STAM2: variants seen among roughly 807,000 people sequenced by gnomAD.
The protein encoded by STAM2 is signal transducing adaptor molecule 2, also known as signal transducing adapter molecule 2.
Under a neutral mutation model 65.6 loss-of-function variants are expected in STAM2, and 51 were observed. That is an observed-to-expected ratio of 0.78 (90% CI 0.62 to 0.98). The LOEUF is 0.98. Ranked by LOEUF, STAM2 falls within the 50% of genes least tolerant of loss-of-function variation. The pLI is 0.00. For missense variants in STAM2, 584 were observed against 617.8 expected (o/e 0.95, Z 0.58); for synonymous variants, 198 against 208.4 (o/e 0.95, Z 0.43).
At chr2:152,168,011 T>C (rs1387788899) in intron 1 of STAM2, among the ~76,000 whole-genome samples, 2 of 151,916 alleles carry the variant, frequency 1.3e-5, no homozygotes, top group Admixed American at 1.3e-4. Context: ...TAAAGGACAA[T>C]AGACAACCAA....
At chr2:152,173,661 T>C (rs1291806497) in intron 1 of STAM2, among the ~76,000 whole-genome samples, 2 of 152,176 alleles carry the variant, frequency 1.3e-5, no homozygotes, top group Non-Finnish European at 2.9e-5. Flanking sequence ...CCTCCCAAAG[T>C]GCTGGGATTA....
intron 1 of STAM2, among the ~76,000 whole-genome samples, chr2:152,156,677 C>T (rs1351498298): frequency 6.6e-6 from 1 of 152,072 alleles, no homozygotes; most frequent in African/African-American, 2.4e-5. Context: ...TATCTACCTA[C>T]AAGGAACAAA....
rs556118300 is a variant in STAM2 at position 152,160,328 on chromosome 2, G to A, written c.41-10099C>T. Among the ~76,000 whole-genome samples the A allele has an allele frequency of 1.6e-3, 240 of 150,644 alleles. 2 individuals carry two copies. The highest frequency in any genetic ancestry group is 6.1e-3 in the South Asian group (29 of 4,746). On this transcript the variant is annotated intron_variant, in intron 1 of 13. Coordinates refer to ENST00000263904, the MANE Select transcript of STAM2 (RefSeq NM_005843.6). ...CCATCCCATCTAGGAAGTGAGGAGC[G>A]TCTCTGCCTGGCCGCCCATCGTCTG...
rs1311057778 is a variant in STAM2, at chr2:152,117,386, T to C, written c.*3188A>G. 6.6e-6 allele frequency: 1 copy of C among 152,122 alleles called. No individual in the cohort carries two copies. Among genetic ancestry groups the C allele is most frequent in the Non-Finnish European group, 1.5e-5 (1 of 68,036 alleles). 9.4% of individuals were successfully genotyped at this position (152,122 alleles called of 1,614,324 possible). The stretch of plus-strand genomic sequence containing the variant: ...TGTTGCCAGGTTGGTCTCAAACTCC[T>C]AGCCTCAAGCAATACTCCTATCTCA... On this transcript the variant is annotated 3_prime_UTR_variant, in exon 14 of 14. Coordinates refer to ENST00000263904, the MANE Select transcript of STAM2 (RefSeq NM_005843.6).
In STAM2 at chr2:152,123,926, C is replaced by T. The variant is rs201360939; in HGVS notation, c.1189G>A (p.Val397Ile). 1 of 1,613,350 alleles carries T rather than the reference C, an allele frequency of 6.2e-7. No individual in the cohort carries two copies. The highest frequency in any genetic ancestry group is 1.3e-5 in the African/African-American group (1 of 74,980). The change falls in exon 13 of 14, where the codon GTT becomes ATT. Residue 397 changes from valine to isoleucine, a missense_variant. Transcript: ENST00000263904. ...ATATAGTTTCCACCATGTGATTGAA[C>T]TGGATATGTCTATTAATCAGAAAGA... is the stretch of plus-strand genomic sequence containing the variant. ...SSGVPMQTYP[V>I]QSHGGNYMGQ...
chr2:152,167,411 T>C (rs1302482238), intron 1 of STAM2, among the ~76,000 whole-genome samples: 2 of 152,210 alleles, frequency 1.3e-5, no homozygotes, highest in Non-Finnish European at 2.9e-5. Flanking sequence ...CCAAAAAAGA[T>C]AGCAGATGCC....
chr2:152,138,595 G>A (rs1243474858), intron 7 of STAM2, among the ~76,000 whole-genome samples: 1 of 152,114 alleles, frequency 6.6e-6, no homozygotes, highest in Non-Finnish European at 1.5e-5. Flanking sequence ...TCTTAAGTAT[G>A]AGTCTTATGG....
chr2:152,147,860 T>G (rs879856090), intron 4 of STAM2, among the ~76,000 whole-genome samples, 164 bp downstream of exon 4: 1 of 152,208 alleles, frequency 6.6e-6, no homozygotes, highest in Admixed American at 6.5e-5. Flanking sequence ...AGAATAGTTT[T>G]TGGTGCTACA....
intron 1 of STAM2, among the ~76,000 whole-genome samples, chr2:152,155,530 G>A (rs1214479015): frequency 1.3e-5 from 2 of 152,288 alleles, no homozygotes; most frequent in Non-Finnish European, 2.9e-5. Context: ...GTAACTCTCC[G>A]TTTGGGAGTC....
In STAM2 at chr2:152,145,232, G is replaced by A. The variant is rs564932551; in HGVS notation, c.448-275C>T. Among the ~76,000 whole-genome samples, 10 of 152,040 alleles carry A rather than the reference G, an allele frequency of 6.6e-5. No individual in the cohort carries two copies. The South Asian group carries it at 8.3e-4, about 13-fold the overall frequency. On this transcript the variant is annotated intron_variant, in intron 5 of 13. Transcript: ENST00000263904. The stretch of plus-strand genomic sequence containing the variant: ...ACTAGAGGTGTATGCATCCACAACC[G>A]GCTAATTTTTATTTTTTGTAGAGAC...
At chr2:152,131,922 C>T (rs148333565) in intron 11 of STAM2, 192 bp downstream of exon 11, 2 of 550,812 alleles carry the variant, frequency 3.6e-6, no homozygotes, top group African/African-American at 3.8e-5. Flanking sequence ...CTTGTCAGAG[C>T]TTGTTTTTTA....
chr2:152,136,088 CAA>C (rs1228963447), intron 7 of STAM2, among the ~76,000 whole-genome samples: 21 of 55,520 alleles, frequency 3.8e-4, no homozygotes, highest in Admixed American at 1.0e-3. Flanking sequence ...AGACTCGTCT[CAA>C]AAAAAAAAAA....
At chr2:152,156,560 A>T (rs781052782) in intron 1 of STAM2, among the ~76,000 whole-genome samples, 2 of 152,202 alleles carry the variant, frequency 1.3e-5, no homozygotes, top group African/African-American at 2.4e-5. Flanking sequence ...GGTGTAAGTC[A>T]TAACATTTCA....
intron 1 of STAM2, among the ~76,000 whole-genome samples, chr2:152,175,183 G>C (rs1689990549): frequency 6.6e-6 from 1 of 152,246 alleles, no homozygotes; most frequent in Non-Finnish European, 1.5e-5. Flanking sequence ...AGTGTCTAGT[G>C]TTGGGCTTCT....
Position 152,119,473 on chromosome 2 carries a change from T to A in STAM2, c.*1101A>T, listed in dbSNP as rs1353488710. 2 of 152,152 alleles carry A rather than the reference T, an allele frequency of 1.3e-5. No homozygotes were observed. The highest frequency in any genetic ancestry group is 2.9e-5 in the Non-Finnish European group (2 of 68,018). The allele number at this position is 152,152 out of a possible 1,614,324, so 9.4% of individuals were successfully genotyped here. A position where few individuals can be genotyped will look rare whatever the true frequency, so the allele number is the denominator to read the frequency against. On this transcript the variant is annotated 3_prime_UTR_variant, in exon 14 of 14. Coordinates refer to ENST00000263904, the MANE Select transcript of STAM2 (RefSeq NM_005843.6). ...TTCAACAGCTTGGTATGTTGACAGC[T>A]TAGCAACGGTACTTGAATCACCTCT...
rs370582290 is a variant in STAM2 at position 152,123,443 on chromosome 2, C to G, written c.1349+323G>C. ...ACGCCCTTCTTAAGGGTCAAAGTAA[C>G]AACAGTTTTCTAATTTTTAGGAGTG... On this transcript the variant is annotated intron_variant, in intron 13 of 13. Transcript: ENST00000263904. 9.9e-5 allele frequency among the ~76,000 whole-genome samples: 15 copies of G among 152,224 alleles called. No homozygotes were observed. The East Asian group carries it at 2.1e-3, about 22-fold the overall frequency.
Position 152,117,704 on chromosome 2 carries a change from C to T in STAM2, c.*2870G>A, listed in dbSNP as rs1440544273. 6.6e-6 allele frequency: 1 copy of T among 152,034 alleles called. No individual in the cohort carries two copies. Among genetic ancestry groups the T allele is most frequent in the Non-Finnish European group, 1.5e-5 (1 of 68,000 alleles). The allele number at this position is 152,034 out of a possible 1,614,324, so 9.4% of individuals were successfully genotyped here. ...TAAGCCCTCTCCTAGAACTCAGGGG[C>T]TTTTAAATTTATGTTTTTACTAAGA... On this transcript the variant is annotated 3_prime_UTR_variant, in exon 14 of 14. Coordinates refer to ENST00000263904, the MANE Select transcript of STAM2 (RefSeq NM_005843.6).
rs750893468 is a variant in STAM2 at position 152,164,370 on chromosome 2, T to C, written c.40+11233A>G. 2.8e-4 allele frequency among the ~76,000 whole-genome samples: 43 copies of C among 152,040 alleles called. 1 individual carries two copies. Among genetic ancestry groups the C allele is most frequent in the Admixed American group, 2.7e-3 (42 of 15,284 alleles). On this transcript the variant is annotated intron_variant, in intron 1 of 13. Transcript: ENST00000263904. ...TTTTTTTTTTTTTTGAGATGCAGTT[T>C]CACTCTTGTTGCCCAGGCTGGAGTG...
chr2:152,143,298 C>G (rs2105544776), intron 7 of STAM2, among the ~76,000 whole-genome samples: 1 of 152,278 alleles, frequency 6.6e-6, no homozygotes, highest in South Asian at 2.1e-4. Flanking sequence ...TTACTTCTCA[C>G]TCTTGCTAAA....
Sources: allele counts gnomAD v4.1 joint callset (sites outside exome capture counted in the v4.1 genomes callset), GRCh38; gene constraint gnomAD v4.1.1; transcripts MANE v1.5; gene names NCBI Gene and HGNC (gene_info 2026-07-23, HGNC 2026-07-21).